Variants in RGS6 observed in about 807,000 individuals in gnomAD.
RGS6 encodes the protein regulator of G protein signaling 6.
Under a neutral mutation model 78.5 loss-of-function variants are expected in RGS6, and 30 were observed. That is an observed-to-expected ratio of 0.38 (90% CI 0.29 to 0.52). The LOEUF (loss-of-function observed/expected upper bound fraction) is 0.52. Ranked by LOEUF, RGS6 falls within the 20% of genes least tolerant of loss-of-function variation. The pLI is 0.85. For synonymous variants in RGS6, 206 were observed against 206.0 expected, an observed-to-expected ratio of 1.00 and a Z score of 0.00; for missense variants, 495 against 609.7, an observed-to-expected ratio of 0.81 and a Z score of 1.98.
intron 15 of RGS6, among the ~76,000 whole-genome samples, chr14:72,532,167 A>G (rs566344980): frequency 3.9e-4 from 59 of 152,344 alleles, no homozygotes; most frequent in African/African-American, 1.4e-3. Flanking sequence ...GCATGTGCTT[A>G]CTTTGTGTCT....
chr14:72,606,027 T>G, the RGS6 span, among the ~76,000 whole-genome samples: 1 of 152,066 alleles, frequency 6.6e-6, no homozygotes, highest in Non-Finnish European at 1.5e-5. Context: ...CCTTCCACCC[T>G]TGTCCCCCGA....
chr14:72,040,171 C>T (rs1287963373), intron 2 of RGS6, among the ~76,000 whole-genome samples: 3 of 151,974 alleles, frequency 2.0e-5, no homozygotes, highest in Non-Finnish European at 4.4e-5. Flanking sequence ...GACATACAAC[C>T]TACCAGTACA....
At chr14:72,057,217 G>T (rs1240791461) in intron 2 of RGS6, among the ~76,000 whole-genome samples, 1 of 151,162 alleles carries the variant, frequency 6.6e-6, no homozygotes, top group African/African-American at 2.4e-5. Flanking sequence ...GGGAGGCTGA[G>T]GGAGGTGAAT....
chr14:72,618,416 T>C, the RGS6 span, among the ~76,000 whole-genome samples: 33 of 152,330 alleles, frequency 2.2e-4, no homozygotes, highest in East Asian at 1.7e-3. Flanking sequence ...CAGGAGAAGC[T>C]GAACCAGGTC....
intron 2 of RGS6, among the ~76,000 whole-genome samples, chr14:71,977,605 C>T (rs1460437546): frequency 6.7e-6 from 1 of 149,776 alleles, no homozygotes; most frequent in Non-Finnish European, 1.5e-5. Context: ...GGGCTCTGTT[C>T]TGTTCCGTTG....
At position 71,937,177 on chromosome 14, in the gene RGS6, C is replaced by T. The variant is rs72734096; in HGVS notation, c.-21+4236C>T. On this transcript the variant is annotated intron_variant, in intron 1 of 17. Coordinates refer to ENST00000553525, the MANE Select transcript of RGS6 (RefSeq NM_001204424.2). The stretch of plus-strand genomic sequence containing the variant: ...TGCCAGCCAACACAGTAATTTTCTT[C>T]TTAGCCTGTTGACTGAAAGATAGGA... Among the ~76,000 whole-genome samples the T allele has an allele frequency of 7.7e-3, 1,167 of 152,310 alleles. 6 individuals carry two copies. The highest frequency in any genetic ancestry group is 0.014 in the Non-Finnish European group (940 of 68,028).
In RGS6 at chr14:72,215,899, A is replaced by G. The variant is rs546962489; in HGVS notation, c.85-136196A>G. Among the ~76,000 whole-genome samples, 657 of 152,374 alleles carry G rather than the reference A, an allele frequency of 4.3e-3. 7 individuals carry two copies. Among genetic ancestry groups the G allele is most frequent in the African/African-American group, 0.014 (602 of 41,598 alleles). Reference sequence around the variant, plus strand: ...TTGAATAATTTTTGCTTCTAAGAGAAGTTACTATTTATTCCTAATTAGATG... The same window carrying G: ...TTGAATAATTTTTGCTTCTAAGAGAGGTTACTATTTATTCCTAATTAGATG... On this transcript the variant is annotated intron_variant, in intron 2 of 17. Coordinates refer to ENST00000553525, the MANE Select transcript of RGS6 (RefSeq NM_001204424.2).
chr14:71,933,491 G>A (rs2088267885), intron 1 of RGS6, among the ~76,000 whole-genome samples: 1 of 152,154 alleles, frequency 6.6e-6, no homozygotes, highest in Admixed American at 6.5e-5. Flanking sequence ...TGGAGAGGAT[G>A]ACAAATGAAC....
At chr14:72,462,882 A>T (rs1045559265) in intron 6 of RGS6, among the ~76,000 whole-genome samples, 2 of 152,212 alleles carry the variant, frequency 1.3e-5, no homozygotes, top group Non-Finnish European at 2.9e-5. Flanking sequence ...AGTCATCAGA[A>T]AGTATGAGGA....
At chr14:72,475,670 AGT>A (rs1220961506) in intron 10 of RGS6, among the ~76,000 whole-genome samples, 4 of 152,284 alleles carry the variant, frequency 2.6e-5, no homozygotes, top group African/African-American at 9.6e-5. Context: ...CAGAGGTTGC[AGT>A]GAGCAGAGAT....
At chr14:72,465,084 C>A (rs544805413) in intron 6 of RGS6, among the ~76,000 whole-genome samples, 1 of 152,300 alleles carries the variant, frequency 6.6e-6, no homozygotes, top group African/African-American at 2.4e-5. Context: ...GAGAGAAAGA[C>A]TTTCCTCAAA....
chr14:72,589,411 A>C, the RGS6 span, among the ~76,000 whole-genome samples: 1 of 152,136 alleles, frequency 6.6e-6, no homozygotes, highest in African/African-American at 2.4e-5. Flanking sequence ...TTAGCTAAGC[A>C]TGGTGGCACA....
At chr14:72,164,969 A>G (rs1375361289) in intron 2 of RGS6, among the ~76,000 whole-genome samples, 3 of 152,192 alleles carry the variant, frequency 2.0e-5, no homozygotes, top group East Asian at 1.9e-4. Context: ...AGAAGCAGAC[A>G]TGGCTTCAGC....
chr14:72,579,218 G>A, the RGS6 span, among the ~76,000 whole-genome samples: 21 of 115,736 alleles, frequency 1.8e-4, no homozygotes, highest in African/African-American at 5.0e-4. Context: ...ACAAGGAATC[G>A]GAGAACAAGG....
chr14:72,457,335 C>T (rs2095658646), intron 4 of RGS6, among the ~76,000 whole-genome samples: 1 of 152,218 alleles, frequency 6.6e-6, no homozygotes, highest in Non-Finnish European at 1.5e-5. Flanking sequence ...AGCACATTAA[C>T]AATTTCCATG....
At chr14:72,607,645 A>G in the RGS6 span, among the ~76,000 whole-genome samples, 2 of 152,246 alleles carry the variant, frequency 1.3e-5, no homozygotes, top group East Asian at 3.8e-4. Flanking sequence ...GAAAGGCCTG[A>G]ATGTGGGTGT....
intron 1 of RGS6, among the ~76,000 whole-genome samples, chr14:71,957,368 G>C (rs4243639): frequency 0.94 from 142,296 of 152,084 alleles, 66,641 homozygotes; most frequent in East Asian, 0.99. Flanking sequence ...TCATTTGAAG[G>C]AGCGGTGGAG....
At chr14:72,138,449 GTTTTTTTTTTT>G (rs71448384) in intron 2 of RGS6, among the ~76,000 whole-genome samples, 2 of 86,648 alleles carry the variant, frequency 2.3e-5, no homozygotes, top group Admixed American at 1.3e-4. Flanking sequence ...ACCTGTACCT[GTTTTTTTTTTT>G]TTTTTTTTTT....
chr14:72,414,834 C>T (rs1000078534), intron 3 of RGS6, among the ~76,000 whole-genome samples: 1 of 152,182 alleles, frequency 6.6e-6, no homozygotes, highest in African/African-American at 2.4e-5. Flanking sequence ...GCCTGTTTAC[C>T]TGCGTATCAG....
Sources: allele counts gnomAD v4.1 joint callset (sites outside exome capture counted in the v4.1 genomes callset), GRCh38; gene constraint gnomAD v4.1.1; transcripts MANE v1.5; gene names NCBI Gene and HGNC (gene_info 2026-07-23, HGNC 2026-07-21).